The following GFRA1 variants were observed in gnomAD, a reference collection of about 807,000 sequenced individuals.
The protein encoded by GFRA1 is GDNF family receptor alpha-1.
A neutral mutation model predicts 51.6 loss-of-function variants in GFRA1; 16 were observed. That is an observed-to-expected ratio of 0.31 (90% CI 0.21 to 0.47). The LOEUF (loss-of-function observed/expected upper bound fraction) is 0.47, where lower values mean the gene tolerates loss of function less well. Among genes scored for constraint, GFRA1 ranks in the 20% least tolerant of loss-of-function variants. The pLI is 1.00. For synonymous variants in GFRA1, 270 were observed against 241.3 expected, an observed-to-expected ratio of 1.12 and a Z score of -1.10; for missense variants, 530 against 594.3, an observed-to-expected ratio of 0.89 and a Z score of 1.13.
chr10:116,185,483 A>G (rs530524871), intron 5 of GFRA1, among the ~76,000 whole-genome samples: 1 of 152,266 alleles, frequency 6.6e-6, no homozygotes, highest in South Asian at 2.1e-4. Context: ...TGGCCCTCAA[A>G]GGAGCACCCC....
In GFRA1 at chr10:116,135,402, G is replaced by A. The variant is rs992520195; in HGVS notation, c.434-9845C>T. 3.3e-5 allele frequency among the ~76,000 whole-genome samples: 5 copies of A among 151,970 alleles called. No homozygotes were observed. The South Asian group carries it at 6.2e-4, about 19-fold the overall frequency. On this transcript the variant is annotated intron_variant, in intron 5 of 10. Transcript: ENST00000355422. ...ATGAAATTTCTCAGCCTGTCTCTTCGCAAACAACTGCTTTATTACAGTTCC... is the reference window on the plus strand; with the variant it reads ...ATGAAATTTCTCAGCCTGTCTCTTCACAAACAACTGCTTTATTACAGTTCC...
At chr10:116,273,828 G>C (rs1844123248), upstream of GFRA1, among the ~76,000 whole-genome samples, 2 of 152,098 alleles carry the variant, frequency 1.3e-5, no homozygotes, top group Non-Finnish European at 2.9e-5. Flanking sequence ...TTCAAGACTT[G>C]GTGCTTTCAA....
chr10:116,089,641 G>A (rs895465134), intron 9 of GFRA1, 100 bp downstream of exon 9: 149 of 996,754 alleles, frequency 1.5e-4, no homozygotes, highest in Middle Eastern at 5.9e-4. Context: ...AGCAGCATTC[G>A]TCATCTCTCT....
chr10:116,073,486 A>G (rs7093502), intron 9 of GFRA1, among the ~76,000 whole-genome samples: 20,749 of 152,232 alleles, frequency 0.14, 4,690 homozygotes, highest in African/African-American at 0.47. Flanking sequence ...AAAATTATGC[A>G]CAATTAACAA....
chr10:116,272,080 C>A lies in GFRA1; in HGVS notation c.-51G>T, dbSNP rs562068016. 6.8e-7 allele frequency: 1 copy of A among 1,479,048 alleles called. No homozygotes were observed. Among genetic ancestry groups the A allele is most frequent in the South Asian group, 1.2e-5 (1 of 82,580 alleles). The allele number at this position is 1,479,048 out of a possible 1,614,324, so 91.6% of individuals were successfully genotyped here. On this transcript the variant is annotated 5_prime_UTR_variant, in exon 2 of 11. Transcript: ENST00000355422. The surrounding 1 kb of genome is among the most constrained non-coding windows in gnomAD (Gnocchi z 4.4). ...CCCCCCCAAAAAAATCCCGAGCCGC[C>A]GCTGGGTCTTGCCGAGGGAGCTCAG...
intron 4 of GFRA1, among the ~76,000 whole-genome samples, chr10:116,235,554 G>A (rs1966857461): frequency 6.6e-6 from 1 of 152,106 alleles, no homozygotes; most frequent in African/African-American, 2.4e-5. Flanking sequence ...CCCACATTGG[G>A]TTGAGACTGT....
intron 4 of GFRA1, among the ~76,000 whole-genome samples, chr10:116,233,155 T>C (rs889618446): frequency 1.3e-5 from 2 of 151,932 alleles, no homozygotes; most frequent in African/African-American, 2.4e-5. Flanking sequence ...GGCAAAACCC[T>C]GTCTCTACTT....
chr10:116,161,772 C>T (rs1389769033), intron 5 of GFRA1, among the ~76,000 whole-genome samples: 1 of 152,186 alleles, frequency 6.6e-6, no homozygotes, highest in Non-Finnish European at 1.5e-5. Flanking sequence ...AACTGTGAGC[C>T]CATTAAACTT....
At chr10:116,216,437 A>C (rs1406379720) in intron 4 of GFRA1, among the ~76,000 whole-genome samples, 1 of 152,156 alleles carries the variant, frequency 6.6e-6, no homozygotes, top group Non-Finnish European at 1.5e-5. Flanking sequence ...ATAATTTACT[A>C]TTTCAATCCA....
chr10:116,148,055 C>CGT lies in GFRA1; in HGVS notation c.434-22499_434-22498insAC, dbSNP rs1491488745. Among the ~76,000 whole-genome samples, 88 of 78,210 alleles carry CGT rather than the reference C, an allele frequency of 1.1e-3. 2 individuals are homozygous for CGT. Among genetic ancestry groups the CGT allele is most frequent in the Admixed American group, 6.8e-3 (43 of 6,300 alleles). The allele number at this position is 78,210 out of a possible 152,430, so 51.3% of individuals were successfully genotyped here. A position where few individuals can be genotyped will look rare whatever the true frequency, so the allele number is the denominator to read the frequency against. ...ATGTGTGCATGTGCGTGTGTGCATG[C>CGT]ATGTGTGCATGCGTGTGTGCATGTG... On this transcript the variant is annotated intron_variant, in intron 5 of 10. Transcript: ENST00000355422.
chr10:116,253,876 C>T (rs567683813), intron 4 of GFRA1, among the ~76,000 whole-genome samples: 51 of 152,252 alleles, frequency 3.3e-4, no homozygotes, highest in South Asian at 1.2e-3. Flanking sequence ...ACAAACTTGG[C>T]TTGAATTCAG....
In GFRA1 at chr10:116,231,114, C is replaced by G. The variant is rs575256046; in HGVS notation, c.419-19469G>C. ...GTGTCATGAGGGGTCATGAACACTT[C>G]TTAGCAGAGAAGTGAAATGTTCACA... On this transcript the variant is annotated intron_variant, in intron 4 of 10. Coordinates refer to ENST00000355422, the MANE Select transcript of GFRA1 (RefSeq NM_005264.8). 7.2e-4 allele frequency among the ~76,000 whole-genome samples: 109 copies of G among 152,306 alleles called. 1 individual carries two copies. Among genetic ancestry groups the G allele is most frequent in the African/African-American group, 2.5e-3 (104 of 41,576 alleles).
At chr10:116,127,481 G>A (rs528219158) in intron 5 of GFRA1, among the ~76,000 whole-genome samples, 1 of 152,198 alleles carries the variant, frequency 6.6e-6, no homozygotes, top group Non-Finnish European at 1.5e-5. Context: ...TAACATCAGA[G>A]TCCAAGAAAT....
chr10:116,194,041 T>TAAATAAAAAA (rs1963508352), intron 5 of GFRA1, among the ~76,000 whole-genome samples: 1 of 46,676 alleles, frequency 2.1e-5, no homozygotes, highest in African/African-American at 1.1e-4. Flanking sequence ...TCCGTCTCAA[T>TAAATAAAAAA]AAAAAAAAAT....
intron 5 of GFRA1, among the ~76,000 whole-genome samples, chr10:116,176,175 A>G (rs76454976): frequency 0.022 from 3,278 of 152,324 alleles, 119 homozygotes; most frequent in African/African-American, 0.073. Context: ...GCCAATATTT[A>G]CTAAGAGCCT....
intron 5 of GFRA1, among the ~76,000 whole-genome samples, chr10:116,177,455 G>T (rs571136782): frequency 6.6e-6 from 1 of 152,326 alleles, no homozygotes; most frequent in East Asian, 1.9e-4. Context: ...GGGGTTAGGG[G>T]TGCTCATGAG....
intron 5 of GFRA1, among the ~76,000 whole-genome samples, chr10:116,140,428 A>G (rs1404479322): frequency 6.6e-6 from 1 of 152,216 alleles, no homozygotes; most frequent in African/African-American, 2.4e-5. Context: ...GAGAAGTTCT[A>G]TTTGATAGTA....
chr10:116,171,721 G>A (rs2134230627), intron 5 of GFRA1, among the ~76,000 whole-genome samples: 1 of 152,312 alleles, frequency 6.6e-6, no homozygotes, highest in South Asian at 2.1e-4. Flanking sequence ...AGAAGCACAT[G>A]TTGGCAGCGG....
intron 9 of GFRA1, among the ~76,000 whole-genome samples, chr10:116,066,813 C>T (rs1955135669): frequency 6.6e-6 from 1 of 152,310 alleles, no homozygotes; most frequent in Admixed American, 6.5e-5. Context: ...TATTTGTCAA[C>T]GGGCTGAGCC....
Sources: gnomAD v4.1 joint callset for allele counts (sites outside exome capture counted in the v4.1 genomes callset) on GRCh38, gnomAD v4.1.1 for gene constraint, Gnocchi (gnomAD v3.1) non-coding constraint, MANE v1.5 for transcripts, NCBI Gene and HGNC (gene_info 2026-07-23, HGNC 2026-07-21) for gene names.